The following SRP54 variants were observed in gnomAD, a reference collection of about 807,000 sequenced individuals.
The protein encoded by SRP54 is signal recognition particle 54.
A neutral mutation model predicts 64.8 loss-of-function variants in SRP54; 10 were observed. The observed-to-expected ratio is 0.15, with a 90% confidence interval of 0.10 to 0.26. SRP54 has a LOEUF of 0.26. Among genes scored for constraint, SRP54 ranks in the 10% least tolerant of loss-of-function variants. SRP54 has a pLI of 1.00. For missense variants in SRP54, 325 were observed against 613.7 expected (o/e 0.53, Z 4.97); for synonymous variants, 193 against 185.6 (o/e 1.04, Z -0.32).
intron 12 of SRP54, 88 bp downstream of exon 12, chr14:35,018,853 G>A (rs927167420): frequency 4.9e-5 from 70 of 1,421,218 alleles, no homozygotes; most frequent in Non-Finnish European, 5.2e-5. Flanking sequence ...TTTTACATTC[G>A]GGTAAAAATA....
At chr14:35,013,666 A>G in intron 9 of SRP54, 136 bp from the exon 10 acceptor site, 2 of 1,074,586 alleles carry the variant, frequency 1.9e-6, no homozygotes, top group South Asian at 3.2e-5. Flanking sequence ...TAGGTCTATT[A>G]TAACTTGTGA....
intron 2 of SRP54, among the ~76,000 whole-genome samples, chr14:34,997,239 T>G (rs2044085539): frequency 6.6e-6 from 1 of 152,190 alleles, no homozygotes; most frequent in Non-Finnish European, 1.5e-5. Flanking sequence ...TTGATTCATT[T>G]TCTTTGAAAT....
intron 4 of SRP54, 110 bp from the exon 5 acceptor site, chr14:35,007,173 A>T: frequency 3.6e-6 from 2 of 548,534 alleles, no homozygotes; most frequent in Non-Finnish European, 3.1e-6. Context: ...AGCCTGGGTG[A>T]CAAGAGTGTG....
intron 2 of SRP54, 41 bp downstream of exon 2, chr14:34,996,828 G>A (rs2138975683): frequency 7.5e-7 from 1 of 1,334,386 alleles, no homozygotes; most frequent in Non-Finnish European, 1.1e-6. Flanking sequence ...ATTGTATATT[G>A]TCACTAGCAT....
intron 4 of SRP54, among the ~76,000 whole-genome samples, chr14:35,002,134 A>T (rs1355184863): frequency 2.6e-5 from 4 of 151,906 alleles, no homozygotes; most frequent in African/African-American, 9.7e-5. Flanking sequence ...ATGGGTAACC[A>T]CCTGAGGTCA....
Position 34,987,959 on chromosome 14 carries a change from C to T in SRP54, c.-34+4744C>T, listed in dbSNP as rs1594975424. Among the ~76,000 whole-genome samples, 3 of 152,254 alleles carry T rather than the reference C, an allele frequency of 2.0e-5. No homozygotes were observed. The South Asian group carries it at 6.2e-4, about 32-fold the overall frequency. On this transcript the variant is annotated intron_variant, in intron 1 of 15. Coordinates refer to ENST00000216774, the MANE Select transcript of SRP54 (RefSeq NM_003136.4). ...TTCCTAATTTTTGCTCCCCTCTTTACTCCCCGCCAAAACCATAAATTCTTG... is the reference window on the plus strand; with the variant it reads ...TTCCTAATTTTTGCTCCCCTCTTTATTCCCCGCCAAAACCATAAATTCTTG...
intron 1 of SRP54, among the ~76,000 whole-genome samples, chr14:34,984,335 C>T (rs1158761634): frequency 6.6e-6 from 1 of 152,132 alleles, no homozygotes; most frequent in Non-Finnish European, 1.5e-5. Context: ...GTAAAAGCTC[C>T]TATCTCTTTG....
At chr14:34,983,747 T>C (rs2043846900) in intron 1 of SRP54, among the ~76,000 whole-genome samples, 2 of 152,218 alleles carry the variant, frequency 1.3e-5, no homozygotes, top group South Asian at 4.1e-4. Context: ...CCTGATTCTT[T>C]CACATGCTTA....
intron 6 of SRP54, 29 bp from the exon 7 acceptor site, chr14:35,008,745 T>C (rs2044306949): frequency 3.1e-6 from 5 of 1,604,324 alleles, no homozygotes; most frequent in Non-Finnish European, 4.2e-6. Context: ...TTTTCAAGTT[T>C]GAGGATTCAT....
chr14:34,988,586 T>TATATATAACATATATATATATATAAC (rs2043937336), intron 1 of SRP54, among the ~76,000 whole-genome samples: 5 of 112,938 alleles, frequency 4.4e-5, no homozygotes, highest in South Asian at 2.7e-4. Flanking sequence ...AAAATATATA[T>TATATATAACATATATATATATATAAC]ATATATATAA....
intron 2 of SRP54, among the ~76,000 whole-genome samples, chr14:34,998,964 T>TG (rs2044118141): frequency 8.0e-6 from 1 of 125,748 alleles, no homozygotes; most frequent in Non-Finnish European, 1.8e-5. Flanking sequence ...TTATTATTAC[T>TG]TTGTGTGTAT....
At position 35,013,595 on chromosome 14, in the gene SRP54, T is replaced by G. The variant is rs142392981; in HGVS notation, c.785+101T>G. On this transcript the variant is annotated intron_variant, in intron 9 of 15. Transcript: ENST00000216774. ...GATCATTTAAAATATGTTTCAATAG[T>G]GAGCCTAATATGGTTTATAAAGAAA... 726 of 1,332,668 alleles carry G rather than the reference T, an allele frequency of 5.4e-4. 6 individuals carry two copies. The African/African-American group carries it at 9.4e-3, about 17-fold the overall frequency. The allele number at this position is 1,332,668 out of a possible 1,614,324, so 82.6% of individuals were successfully genotyped here. A position where few individuals can be genotyped will look rare whatever the true frequency, so the allele number is the denominator to read the frequency against.
intron 1 of SRP54, among the ~76,000 whole-genome samples, chr14:34,994,472 C>A (rs996013889): frequency 2.6e-5 from 4 of 152,094 alleles, no homozygotes; most frequent in African/African-American, 9.7e-5. Context: ...TTCCCCAGAC[C>A]GTGTTTTTAG....
chr14:34,999,808 AGTAC>A (rs1347156776), intron 3 of SRP54, 159 bp downstream of exon 3: 1 of 506,290 alleles, frequency 2.0e-6, no homozygotes, highest in Admixed American at 3.4e-5. Context: ...GAGCATGTGT[AGTAC>A]GTTTCCATAA....
chr14:35,011,692 G>C, intron 8 of SRP54, 33 bp downstream of exon 8: 1 of 1,436,656 alleles, frequency 7.0e-7, no homozygotes, highest in Non-Finnish European at 9.3e-7. Flanking sequence ...CTATTATTAG[G>C]ACTTTGGTTA....
chr14:34,992,173 T>C (rs1196785495), intron 1 of SRP54, among the ~76,000 whole-genome samples: 6 of 152,200 alleles, frequency 3.9e-5, no homozygotes, highest in Admixed American at 3.9e-4. Flanking sequence ...CTTCAGGTGA[T>C]CCACCCGCCT....
chr14:34,984,733 C>T (rs2043867133), intron 1 of SRP54, among the ~76,000 whole-genome samples: 1 of 152,100 alleles, frequency 6.6e-6, no homozygotes, highest in Non-Finnish European at 1.5e-5. Flanking sequence ...AACTCCTGAC[C>T]TGAAGTGATC....
In SRP54 at chr14:34,991,127, T is replaced by TG. The variant is rs1555352958; in HGVS notation, c.-33-5550_-33-5549insG. 5.9e-3 allele frequency among the ~76,000 whole-genome samples: 724 copies of TG among 123,190 alleles called. 8 individuals carry two copies. Among genetic ancestry groups the TG allele is most frequent in the African/African-American group, 0.017 (607 of 35,334 alleles). 80.8% of individuals were successfully genotyped at this position (123,190 alleles called of 152,430 possible). ...TTCTTTTCTTTTTTTTTTTTTTTTT[T>TG]TTGTTGTTGTTGTTGTTGTTGAGAT... On this transcript the variant is annotated intron_variant, in intron 1 of 15. Coordinates refer to ENST00000216774, the MANE Select transcript of SRP54 (RefSeq NM_003136.4).
At position 35,014,780 on chromosome 14, in the gene SRP54, A is replaced by G; in HGVS notation, c.923A>G (p.Asn308Ser). 1 of 1,614,006 alleles carries G rather than the reference A, an allele frequency of 6.2e-7. No individual in the cohort carries two copies. The highest frequency in any genetic ancestry group is 8.5e-7 in the Non-Finnish European group (1 of 1,179,984). The change falls in exon 11 of 16, where the codon AAC becomes AGC. Residue 308 changes from asparagine to serine, a missense_variant. Physicochemically the swap from Asn to Ser is conservative, Grantham distance 46 (BLOSUM62 1). Around this residue, in one of 3 missense-constraint regions of SRP54, gnomAD observed 146 missense variants for 337.4 expected, o/e 0.43. Coordinates refer to ENST00000216774, the MANE Select transcript of SRP54 (RefSeq NM_003136.4). ...GDIEGLIDKVNELKLDDNEAL... is the reference protein window; with the variant it reads ...GDIEGLIDKVSELKLDDNEAL... ...ATTGAAGGACTGATAGATAAAGTCAACGAGTTGAAGTTGGATGACAATGAA... is the reference window on the plus strand; with the variant it reads ...ATTGAAGGACTGATAGATAAAGTCAGCGAGTTGAAGTTGGATGACAATGAA...
Sources: allele counts gnomAD v4.1 joint callset (sites outside exome capture counted in the v4.1 genomes callset), GRCh38; gene constraint gnomAD v4.1.1; regional missense constraint gnomAD v4.1.1; transcripts MANE v1.5; gene names NCBI Gene and HGNC (gene_info 2026-07-23, HGNC 2026-07-21).